Variants in CCDC57 observed in about 807,000 individuals in gnomAD.
CCDC57 encodes coiled-coil domain-containing protein 57.
In CCDC57, 118 loss-of-function variants were observed where a neutral mutation model predicts 118.9. The ratio of observed to expected loss-of-function variants is 0.99; its 90% CI spans 0.86 to 1.16. The LOEUF (loss-of-function observed/expected upper bound fraction) is 1.16. Ranked by LOEUF, CCDC57 falls within the 50% of genes most tolerant of loss-of-function variation. The pLI is 0.00. For synonymous variants in CCDC57, 527 were observed against 532.9 expected (o/e 0.99, Z 0.15); for missense variants, 1,300 against 1,320.7 (o/e 0.98, Z 0.24).
chr17:82,212,775 C>CACCTCACCCTAACGCCCGCCG lies in CCDC57; in HGVS notation c.-211+9_-211+10insCGGCGGGCGTTAGGGTGAGGT, dbSNP rs2050263070. The CACCTCACCCTAACGCCCGCCG allele has an allele frequency of 6.6e-6, 1 of 152,064 alleles. No individual in the cohort carries two copies. The highest frequency in any genetic ancestry group is 1.5e-5 in the Non-Finnish European group (1 of 68,028). 9.4% of individuals were successfully genotyped at this position (152,064 alleles called of 1,614,324 possible). A position where few individuals can be genotyped will look rare whatever the true frequency, so the allele number is the denominator to read the frequency against. Reference sequence around the variant, plus strand: ...TCCCACGCCTCCCACGCCGCCCGCCCGCACCTCACCCTAACGCCCGCCAGC... The same window carrying CACCTCACCCTAACGCCCGCCG: ...TCCCACGCCTCCCACGCCGCCCGCCCACCTCACCCTAACGCCCGCCGGCACCTCACCCTAACGCCCGCCAGC... On this transcript the variant is annotated intron_variant, in intron 1 of 19. Coordinates refer to ENST00000665763, the Ensembl canonical transcript of CCDC57. This position sits in a 1 kb window ranked among gnomAD's most constrained non-coding sequence, Gnocchi z 4.1.
rs538786597 is a variant in CCDC57, at chr17:82,192,166, G to T, written c.851+1590C>A. Among the ~76,000 whole-genome samples the T allele has an allele frequency of 6.6e-6, 1 of 151,946 alleles. No homozygotes were observed. The highest frequency in any genetic ancestry group is 1.5e-5 in the Non-Finnish European group (1 of 67,994). ...ACGCCCGGCTAATTTTGTATTTTTC[G>T]TAGAGACGGGGTTTCACCATGTTGG... On this transcript the variant is annotated intron_variant, in intron 7 of 19. Coordinates refer to ENST00000665763, the Ensembl canonical transcript of CCDC57. The surrounding 1 kb of genome is among the most constrained non-coding windows in gnomAD (Gnocchi z 4.0).
chr17:82,136,286 C>G (rs1352191527), intron 16 of CCDC57, among the ~76,000 whole-genome samples: 1 of 152,130 alleles, frequency 6.6e-6, no homozygotes, highest in Non-Finnish European at 1.5e-5. Context: ...CGCCCCAGCA[C>G]GAGGGACCCT....
At chr17:82,188,442 T>C (rs768394064) in intron 7 of CCDC57, 23 bp from the exon 7 acceptor site, 4 of 1,599,584 alleles carry the variant, frequency 2.5e-6, no homozygotes, top group Admixed American at 1.7e-5. Flanking sequence ...GAGTGTCCCA[T>C]GGCGCTCACC....
intron 13 of CCDC57, among the ~76,000 whole-genome samples, chr17:82,164,031 C>A (rs546291027): frequency 6.6e-6 from 1 of 151,862 alleles, no homozygotes; most frequent in Non-Finnish European, 1.5e-5. Flanking sequence ...CAGAGCGAGA[C>A]CCTGTCACAC....
chr17:82,184,031 G>GCGCGCGCGCGCACGCACA, intron 8 of CCDC57, 99 bp from the exon 8 acceptor site: 2 of 125,852 alleles, frequency 1.6e-5, no homozygotes, highest in Non-Finnish European at 3.1e-5. Context: ...GCGCGCGCGC[G>GCGCGCGCGCGCACGCACA]CACACACACA....
intron 19 of CCDC57, among the ~76,000 whole-genome samples, chr17:82,107,155 C>T (rs1393993941): frequency 6.6e-6 from 1 of 152,256 alleles, no homozygotes; most frequent in East Asian, 1.9e-4. Flanking sequence ...CTGAGGGCCA[C>T]ATGCCTGGCC....
intron 16 of CCDC57, 178 bp from the exon 16 acceptor site, chr17:82,134,372 G>T (rs531014934): frequency 4.1e-6 from 2 of 489,404 alleles, no homozygotes; most frequent in Non-Finnish European, 6.4e-6. Flanking sequence ...CAGCATTTCG[G>T]TAGAGCTCTT....
chr17:82,208,072 T>C (rs562312759), intron 1 of CCDC57: 1 of 152,180 alleles, frequency 6.6e-6, no homozygotes, highest in East Asian at 1.9e-4. Context: ...ACACATAAAA[T>C]AAAATCTACT....
chr17:82,188,130 T>A, intron 8 of CCDC57, 89 bp downstream of exon 7: 1 of 1,145,358 alleles, frequency 8.7e-7, no homozygotes, highest in Non-Finnish European at 1.2e-6. Context: ...TGGCCCCCTT[T>A]CCTGTGGTCT....
intron 15 of CCDC57, chr17:82,154,758 G>A (rs6502070): frequency 0.47 from 70,046 of 149,844 alleles, 16,998 homozygotes; most frequent in East Asian, 0.88. Flanking sequence ...CCCACGTGGC[G>A]TTTCTACGGA....
chr17:82,160,733 G>A (rs2043211318), intron 14 of CCDC57, among the ~76,000 whole-genome samples: 1 of 152,098 alleles, frequency 6.6e-6, no homozygotes, highest in Non-Finnish European at 1.5e-5. Context: ...AAATTAGCAG[G>A]CGTGGTGGCT....
At chr17:82,160,583 G>T (rs2043199325) in intron 14 of CCDC57, 1 of 153,102 alleles carries the variant, frequency 6.5e-6, no homozygotes, top group Non-Finnish European at 1.5e-5. Context: ...AGCACTTTGG[G>T]AGGCAGACAG....
At chr17:82,151,105 T>A (rs1454863753) in intron 16 of CCDC57, among the ~76,000 whole-genome samples, 2 of 102,878 alleles carry the variant, frequency 1.9e-5, no homozygotes, top group Admixed American at 1.0e-4. Flanking sequence ...ACCCAGAACC[T>A]GACCCACACC....
At chr17:82,198,818 G>A (rs900762200) in intron 3 of CCDC57, among the ~76,000 whole-genome samples, 8 of 151,606 alleles carry the variant, frequency 5.3e-5, no homozygotes, top group East Asian at 2.0e-4. Flanking sequence ...GTGAAACCCC[G>A]TCTCTACAAA....
At chr17:82,177,072 C>T (rs1217175367) in intron 11 of CCDC57, among the ~76,000 whole-genome samples, 1 of 151,934 alleles carries the variant, frequency 6.6e-6, no homozygotes, top group African/African-American at 2.4e-5. Flanking sequence ...ATGGAGAAAC[C>T]CCATCTCTAC....
intron 9 of CCDC57, among the ~76,000 whole-genome samples, chr17:82,183,211 A>G (rs1223663910): frequency 6.6e-6 from 1 of 152,248 alleles, no homozygotes. Context: ...AGTTTAGCAT[A>G]TGTATTCTGT....
chr17:82,109,257 G>A (rs1377575163), intron 19 of CCDC57, among the ~76,000 whole-genome samples: 1 of 152,240 alleles, frequency 6.6e-6, no homozygotes, highest in East Asian at 1.9e-4. Context: ...TCCAGGGCTG[G>A]GGTGGCGCAG....
chr17:82,175,696 CACCTCGGA>C (rs1212588596), intron 11 of CCDC57: 1 of 152,180 alleles, frequency 6.6e-6, no homozygotes, highest in Non-Finnish European at 1.5e-5. Flanking sequence ...GTGCTCTGAC[CACCTCGGA>C]ACACGTCGTC....
Position 82,172,013 on chromosome 17 carries a change from C to G in CCDC57, c.1730-160G>C, listed in dbSNP as rs763537592. On this transcript the variant is annotated intron_variant, in intron 12 of 19. Transcript: ENST00000665763. The surrounding 1 kb of genome is among the most constrained non-coding windows in gnomAD (Gnocchi z 5.2). ...AGCTTCACCGTAGTTTCCACACTCT[C>G]TGTGTGTGTCAGACTGAAAGACCTT... Among the ~76,000 whole-genome samples the G allele has an allele frequency of 6.6e-6, 1 of 152,176 alleles. No individual in the cohort carries two copies. The highest frequency in any genetic ancestry group is 1.5e-5 in the Non-Finnish European group (1 of 68,034).
Sources: allele counts gnomAD v4.1 joint callset (sites outside exome capture counted in the v4.1 genomes callset), GRCh38; gene constraint gnomAD v4.1.1; non-coding constraint Gnocchi (gnomAD v3.1); transcripts MANE v1.5; gene names NCBI Gene and HGNC (gene_info 2026-07-23, HGNC 2026-07-21).